The following SPPL2B variants were observed in gnomAD, a reference collection of about 807,000 sequenced individuals.
SPPL2B encodes the protein signal peptide peptidase like 2B.
Under a neutral mutation model 59.7 loss-of-function variants are expected in SPPL2B, and 39 were observed. That is an observed-to-expected ratio of 0.65 (90% CI 0.51 to 0.85). SPPL2B has a LOEUF of 0.85. Ranked by LOEUF, SPPL2B falls within the 40% of genes least tolerant of loss-of-function variation. The pLI is 0.00. For synonymous variants in SPPL2B, 419 were observed against 370.8 expected (o/e 1.13, Z -1.49); for missense variants, 865 against 849.0 (o/e 1.02, Z -0.23).
intron 7 of SPPL2B, chr19:2,340,563 A>C: frequency 3.6e-6 from 2 of 550,102 alleles, no homozygotes; most frequent in Non-Finnish European, 6.6e-6. Context: ...GGGTCTAGGA[A>C]GCGGGGCTAG....
intron 8 of SPPL2B, 67 bp from the exon 9 acceptor site, chr19:2,343,144 G>A (rs3746289): frequency 0.24 from 317,538 of 1,312,430 alleles, 44,324 homozygotes; most frequent in East Asian, 0.64. Flanking sequence ...TGTGTGGCTC[G>A]TGGGAGGCGG....
At position 2,339,947 on chromosome 19, in the gene SPPL2B, C is replaced by T; in HGVS notation, c.723C>T (p.Tyr241=). Reference sequence around the variant, plus strand: ...GCTGCTCCATGCTGGTGCTGCTCTACTATTTCTACGATCTCCTCGGTGCGC... The same window carrying T: ...GCTGCTCCATGCTGGTGCTGCTCTATTATTTCTACGATCTCCTCGGTGCGC... ...VMCCSMLVLL[Y]YFYDLLVYVV... The change falls in exon 6 of 15, where the codon TAC becomes TAT. Residue 241 remains tyrosine (Y), a synonymous_variant. Transcript: ENST00000613503. 1 of 1,557,464 alleles carries T rather than the reference C, an allele frequency of 6.4e-7. No homozygotes were observed. The highest frequency in any genetic ancestry group is 8.7e-7 in the Non-Finnish European group (1 of 1,150,182).
intron 13 of SPPL2B, among the ~76,000 whole-genome samples, chr19:2,348,815 T>G (rs1170220002): frequency 3.3e-5 from 2 of 60,546 alleles, no homozygotes; most frequent in African/African-American, 7.0e-5. Context: ...CACACTCGTG[T>G]TCTCATTCGC....
chr19:2,352,101 C>A (rs893482747), intron 14 of SPPL2B, among the ~76,000 whole-genome samples: 9 of 152,174 alleles, frequency 5.9e-5, no homozygotes, highest in African/African-American at 2.2e-4. Context: ...GGGTGGTTGG[C>A]AAGGGTTAAA....
At chr19:2,346,120 A>G (rs1397553941) in intron 13 of SPPL2B, among the ~76,000 whole-genome samples, 1 of 152,220 alleles carries the variant, frequency 6.6e-6, no homozygotes, top group Non-Finnish European at 1.5e-5. Flanking sequence ...TTGTTTTGAA[A>G]AATGTCCCCC....
At chr19:2,345,183 C>A (rs139119814) in intron 12 of SPPL2B, 70 bp from the exon 13 acceptor site, 1 of 1,401,300 alleles carries the variant, frequency 7.1e-7, no homozygotes, top group Non-Finnish European at 1.0e-6. Flanking sequence ...AGGTGCCCGC[C>A]CGCTCCCAGG....
intron 14 of SPPL2B, among the ~76,000 whole-genome samples, chr19:2,352,034 G>T (rs911013440): frequency 6.6e-6 from 1 of 152,234 alleles, no homozygotes; most frequent in African/African-American, 2.4e-5. Context: ...TGGACGAGGG[G>T]AGCAGGCCTG....
intron 13 of SPPL2B, among the ~76,000 whole-genome samples, chr19:2,347,869 C>T (rs1369641626): frequency 1.1e-4 from 3 of 27,218 alleles, no homozygotes; most frequent in East Asian, 1.7e-3. Flanking sequence ...TCTCATTCGC[C>T]TGATTCCGTT....
At chr19:2,333,321 C>CTGGGGG (rs1263105004) in intron 1 of SPPL2B, among the ~76,000 whole-genome samples, 1 of 65,038 alleles carries the variant, frequency 1.5e-5, no homozygotes, top group African/African-American at 5.9e-5. Context: ...CTGGGCTTTG[C>CTGGGGG]GGGAGCAGGA....
chr19:2,353,427 G>T lies in SPPL2B; in HGVS notation c.*218G>T, dbSNP rs1237523859. 11 of 590,244 alleles carry T rather than the reference G, an allele frequency of 1.9e-5. No individual in the cohort carries two copies. The highest frequency in any genetic ancestry group is 1.3e-4 in the East Asian group (4 of 31,958). The allele number at this position is 590,244 out of a possible 1,614,324, so 36.6% of individuals were successfully genotyped here. A position where few individuals can be genotyped will look rare whatever the true frequency, so the allele number is the denominator to read the frequency against. The stretch of plus-strand genomic sequence containing the variant: ...GCTGCACGCCTGCTGCTCCCAGCTC[G>T]CCCGGCTGCCACAAGCTCTCTGCGG... On this transcript the variant is annotated 3_prime_UTR_variant, in exon 15 of 15. Transcript: ENST00000613503.
At chr19:2,337,293 A>T (rs745311358) in intron 2 of SPPL2B, 150 bp from the exon 3 acceptor site, 9 of 669,582 alleles carry the variant, frequency 1.3e-5, no homozygotes, top group Non-Finnish European at 2.2e-5. Flanking sequence ...TGCAGTAGGG[A>T]TGGCTCTGCC....
intron 12 of SPPL2B, 109 bp from the exon 13 acceptor site, chr19:2,345,144 C>T (rs1409284145): frequency 2.0e-5 from 16 of 797,192 alleles, no homozygotes; most frequent in South Asian, 1.9e-4. Flanking sequence ...CACCAGGCAG[C>T]GAGAGGCCCA....
intron 14 of SPPL2B, 39 bp from the exon 15 acceptor site, chr19:2,352,907 C>G: frequency 6.2e-7 from 1 of 1,609,174 alleles, no homozygotes. Flanking sequence ...TCCTCTGGGT[C>G]CCTGTCTCCG....
intron 1 of SPPL2B, chr19:2,330,275 A>ATTTTTTTTTTTTTTTT (rs71176540): frequency 7.6e-6 from 1 of 132,200 alleles, no homozygotes; most frequent in Non-Finnish European, 1.6e-5. Context: ...TCCTGGCTAA[A>ATTTTTTTTTTTTTTTT]TTTTTTTTTT....
Position 2,353,978 on chromosome 19 carries a change from C to G in SPPL2B, c.*769C>G, listed in dbSNP as rs974646227. 2.6e-5 allele frequency: 4 copies of G among 152,278 alleles called. No homozygotes were observed. Among genetic ancestry groups the G allele is most frequent in the African/African-American group, 9.7e-5 (4 of 41,446 alleles). 9.4% of individuals were successfully genotyped at this position (152,278 alleles called of 1,614,324 possible). A position where few individuals can be genotyped will look rare whatever the true frequency, so the allele number is the denominator to read the frequency against. ...GTGGGGTGGACGTCTCTCAGACTGC[C>G]CTTCTGACAAGCAGGGGTGGGCGCC... On this transcript the variant is annotated 3_prime_UTR_variant, in exon 15 of 15. Coordinates refer to ENST00000613503, the MANE Select transcript of SPPL2B (RefSeq NM_152988.3).
chr19:2,341,311 T>A (rs1969036721), intron 8 of SPPL2B: 2 of 590,446 alleles, frequency 3.4e-6, no homozygotes, highest in East Asian at 7.6e-5. Context: ...GGGGCATCGC[T>A]GCCCAGGGCC....
chr19:2,341,081 C>T lies in SPPL2B; in HGVS notation c.956+67C>T, dbSNP rs73916992. 0.017 allele frequency: 18,568 copies of T among 1,121,818 alleles called. 2,036 individuals carry two copies. The African/African-American group carries it at 0.24, about 15-fold the overall frequency. The allele number at this position is 1,121,818 out of a possible 1,614,324, so 69.5% of individuals were successfully genotyped here. A position where few individuals can be genotyped will look rare whatever the true frequency, so the allele number is the denominator to read the frequency against. On this transcript the variant is annotated intron_variant, in intron 8 of 14. Coordinates refer to ENST00000613503, the MANE Select transcript of SPPL2B (RefSeq NM_152988.3). The stretch of plus-strand genomic sequence containing the variant: ...CTCGGGTGCACCAGGGCTCCTGGGG[C>T]CCTGACTCCCTGCCCTCCCTGGAGG...
chr19:2,348,164 C>T (rs1969587566), intron 13 of SPPL2B, among the ~76,000 whole-genome samples: 1 of 9,786 alleles, frequency 1.0e-4, no homozygotes, highest in Non-Finnish European at 1.5e-4. Flanking sequence ...CGTTCTCTCT[C>T]CACACACACT....
At position 2,328,747 on chromosome 19, in the gene SPPL2B, T is replaced by A; in HGVS notation, c.38T>A (p.Leu13Ter). ...AAVAAALARL[L>*]AAFLLLAAQV... ...GTGGCGGCTGCGCTGGCGCGGCTTT[T>A]GGCGGCCTTTCTGCTCCTCGCGGCC... The change falls in exon 1 of 15, where the codon TTG becomes TAG. Residue 13 changes from leucine (L) to a stop codon, truncating the protein, a stop_gained. Coordinates refer to ENST00000613503, the MANE Select transcript of SPPL2B (RefSeq NM_152988.3). LOFTEE classifies it high-confidence loss of function. 1 of 1,463,514 alleles carries A rather than the reference T, an allele frequency of 6.8e-7. No individual in the cohort carries two copies. Among genetic ancestry groups the A allele is most frequent in the Non-Finnish European group, 9.0e-7 (1 of 1,115,972 alleles). The allele number at this position is 1,463,514 out of a possible 1,614,324, so 90.7% of individuals were successfully genotyped here.
Sources: allele counts gnomAD v4.1 joint callset (sites outside exome capture counted in the v4.1 genomes callset), GRCh38; gene constraint gnomAD v4.1.1; transcripts MANE v1.5; gene names NCBI Gene and HGNC (gene_info 2026-07-23, HGNC 2026-07-21).